DNAH9: variants seen among roughly 807,000 people sequenced by gnomAD.
The protein encoded by DNAH9 is DNAH9 variant protein.
Under a neutral mutation model 471.6 loss-of-function variants are expected in DNAH9, and 345 were observed. That is an observed-to-expected ratio of 0.73 (90% confidence interval 0.67 to 0.80). DNAH9 has a LOEUF of 0.80. DNAH9 is among the 30% of genes least tolerant of loss of function. The pLI, the probability that DNAH9 is intolerant of heterozygous loss-of-function variation, is 0.00. For synonymous variants in DNAH9, 2,093 were observed against 2,123.6 expected (o/e 0.99, Z 0.40); for missense variants, 5,407 against 5,609.2 (o/e 0.96, Z 1.15).
Position 11,719,399 on chromosome 17 carries a change from G to GC in DNAH9, c.5619dup (p.Thr1874HisfsTer49), listed in dbSNP as rs2075016761. 1 of 1,613,952 alleles carries GC rather than the reference G, an allele frequency of 6.2e-7. No individual in the cohort carries two copies. Among genetic ancestry groups the GC allele is most frequent in the Non-Finnish European group, 8.5e-7 (1 of 1,179,966 alleles). ...AGTGGGGCTCCCGCAGGACCTGCAG[G>GC]CACAGGCAAGACCGAGACCACCAAG... On this transcript the variant is annotated frameshift_variant, in exon 27 of 69. Coordinates refer to ENST00000262442, the MANE Select transcript of DNAH9 (RefSeq NM_001372.4). LOFTEE classifies it high-confidence loss of function.
chr17:11,915,512 C>T (rs1028962886), intron 61 of DNAH9, among the ~76,000 whole-genome samples: 1 of 151,286 alleles, frequency 6.6e-6, no homozygotes, highest in African/African-American at 2.4e-5. Flanking sequence ...GACACAGAGA[C>T]TCCATCTCAA....
chr17:11,736,804 T>C (rs189874252), intron 28 of DNAH9, among the ~76,000 whole-genome samples: 2 of 152,302 alleles, frequency 1.3e-5, no homozygotes, highest in Admixed American at 1.3e-4. Flanking sequence ...GCTTCGGTGT[T>C]TCGAGAGAGA....
chr17:11,954,477 G>A (rs2151444001), intron 67 of DNAH9, among the ~76,000 whole-genome samples: 1 of 152,088 alleles, frequency 6.6e-6, no homozygotes, highest in African/African-American at 2.4e-5. Context: ...AGAAAAGAAT[G>A]ATGGCAGACT....
At chr17:11,818,885 CTAT>C (rs140324358) in intron 45 of DNAH9, among the ~76,000 whole-genome samples, 6,474 of 147,168 alleles carry the variant, frequency 0.044, 466 homozygotes, top group African/African-American at 0.15. Context: ...TCCATTATTA[CTAT>C]TATTATTATT....
At chr17:11,859,380 C>T (rs2150975141) in intron 50 of DNAH9, among the ~76,000 whole-genome samples, 1 of 148,870 alleles carries the variant, frequency 6.7e-6, no homozygotes, top group African/African-American at 2.5e-5. Context: ...CCATTGCACT[C>T]CAGCCTGGGC....
At chr17:11,608,459 C>G in intron 2 of DNAH9, 134 bp downstream of exon 2, 1 of 721,684 alleles carries the variant, frequency 1.4e-6, no homozygotes, top group Non-Finnish European at 2.3e-6. Flanking sequence ...ACTGTCTGCT[C>G]TGTTTGCCGA....
chr17:11,833,316 G>A (rs1451018977), intron 48 of DNAH9, among the ~76,000 whole-genome samples: 1 of 152,218 alleles, frequency 6.6e-6, no homozygotes, highest in African/African-American at 2.4e-5. Context: ...AGTAAGGACT[G>A]TGTAAATAAA....
At chr17:11,917,807 C>T (rs1974005426) in intron 61 of DNAH9, among the ~76,000 whole-genome samples, 1 of 152,124 alleles carries the variant, frequency 6.6e-6, no homozygotes, top group African/African-American at 2.4e-5. Context: ...GTTTGCCCTT[C>T]CTTCACATCT....
intron 51 of DNAH9, among the ~76,000 whole-genome samples, chr17:11,870,961 G>T (rs916168237): frequency 6.6e-6 from 1 of 152,108 alleles, no homozygotes; most frequent in African/African-American, 2.4e-5. Context: ...GTTATCATTA[G>T]AAGAAAAAAT....
At chr17:11,764,628 T>C (rs1236080840) in intron 36 of DNAH9, among the ~76,000 whole-genome samples, 1 of 152,200 alleles carries the variant, frequency 6.6e-6, no homozygotes, top group Non-Finnish European at 1.5e-5. Flanking sequence ...AGATTTGTTC[T>C]TCTGTGCCTG....
intron 27 of DNAH9, among the ~76,000 whole-genome samples, chr17:11,727,047 CAAAAAAAAAAAAAAAA>C (rs55659834): frequency 1.5e-5 from 1 of 68,464 alleles, no homozygotes; most frequent in Non-Finnish European, 2.5e-5. Flanking sequence ...GACTCCGTCT[CAAAAAAAAAAAAAAAA>C]AAAAAAAAAA....
In DNAH9 at chr17:11,664,911, C is replaced by T; in HGVS notation, c.2674C>T (p.Leu892=). ...TYVNSIDNLL[L]NGFFLAIECS... is the part of the protein sequence containing the mutation. The stretch of plus-strand genomic sequence containing the variant: ...TGTTAACTCTATTGACAATTTGTTG[C>T]TGAATGGATTCTTTCTTGCCATTGA... Residue 892 remains leucine (L), a synonymous_variant, in exon 15 of 69, where the codon CTG becomes TTG. Coordinates refer to ENST00000262442, the MANE Select transcript of DNAH9 (RefSeq NM_001372.4). 2 of 1,612,786 alleles carry T rather than the reference C, an allele frequency of 1.2e-6. No homozygotes were observed. Among genetic ancestry groups the T allele is most frequent in the South Asian group, 2.2e-5 (2 of 91,028 alleles).
intron 26 of DNAH9, among the ~76,000 whole-genome samples, chr17:11,714,222 A>G (rs979978873): frequency 2.6e-5 from 4 of 152,210 alleles, no homozygotes; most frequent in African/African-American, 7.2e-5. Flanking sequence ...TCTTTTTCAC[A>G]TGGATTTTCA....
intron 17 of DNAH9, among the ~76,000 whole-genome samples, chr17:11,675,046 T>C (rs1035973322): frequency 6.6e-6 from 1 of 152,180 alleles, no homozygotes; most frequent in Non-Finnish European, 1.5e-5. Context: ...GTAGTGACTA[T>C]AGATCAATTT....
chr17:11,760,802 G>A (rs1967633207), intron 35 of DNAH9, among the ~76,000 whole-genome samples: 1 of 152,208 alleles, frequency 6.6e-6, no homozygotes, highest in Admixed American at 6.5e-5. Flanking sequence ...ACAGGCGTGA[G>A]CCGCCGCGCC....
chr17:11,789,860 A>G (rs916491329), intron 41 of DNAH9, among the ~76,000 whole-genome samples: 1 of 152,068 alleles, frequency 6.6e-6, no homozygotes, highest in African/African-American at 2.4e-5. Flanking sequence ...ACCATTAGCT[A>G]CATCATGCAA....
Position 11,651,170 on chromosome 17 carries a change from G to A in DNAH9, c.2199G>A (p.Arg733=). Residue 733 remains arginine (R), a synonymous_variant, in exon 13 of 69, where the codon CGG becomes CGA. Transcript: ENST00000262442. ...TGTTCTCCTCCAGGGATTTCTATCG[G>A]CAGCTTGTGGCTAATTTAGAGTTGA... ...AAMFSSRDFY[R]QLVANLELMA... is the part of the protein sequence containing the mutation. The A allele has an allele frequency of 6.2e-7, 1 of 1,614,124 alleles. No homozygotes were observed. Among genetic ancestry groups the A allele is most frequent in the Non-Finnish European group, 8.5e-7 (1 of 1,180,008 alleles).
In DNAH9 at chr17:11,623,418, T is replaced by C. The variant is rs953062259; in HGVS notation, c.1350+3637T>C. Among the ~76,000 whole-genome samples, 5 of 152,140 alleles carry C rather than the reference T, an allele frequency of 3.3e-5. No individual in the cohort carries two copies. Among genetic ancestry groups the C allele is most frequent in the Non-Finnish European group, 7.3e-5 (5 of 68,040 alleles). ...TTTGTTTGCCCTGAATTTCCATGTG[T>C]TTTCATCTTCCCACGGCTACTCCTT... is the stretch of plus-strand genomic sequence containing the variant. On this transcript the variant is annotated intron_variant, in intron 6 of 68. Transcript: ENST00000262442. This position sits in a 1 kb window ranked among gnomAD's most constrained non-coding sequence, Gnocchi z 4.1.
At chr17:11,855,558 G>A (rs1971596897) in intron 50 of DNAH9, among the ~76,000 whole-genome samples, 1 of 152,070 alleles carries the variant, frequency 6.6e-6, no homozygotes, top group Admixed American at 6.6e-5. Flanking sequence ...AGACAATGTA[G>A]GTAAGGAAAA....
Sources: gnomAD v4.1 joint callset for allele counts (sites outside exome capture counted in the v4.1 genomes callset) on GRCh38, gnomAD v4.1.1 for gene constraint, Gnocchi (gnomAD v3.1) non-coding constraint, MANE v1.5 for transcripts, NCBI Gene and HGNC (gene_info 2026-07-23, HGNC 2026-07-21) for gene names.